Variants in CPNE4 observed in about 807,000 individuals in gnomAD.
The protein encoded by CPNE4 is copine-4.
CPNE4 carries 25 observed loss-of-function variants against 67.9 expected under a neutral mutation model. The observed-to-expected ratio is 0.37, with a 90% confidence interval of 0.27 to 0.51. The LOEUF (loss-of-function observed/expected upper bound fraction) is 0.51. Ranked by LOEUF, CPNE4 falls within the 20% of genes least tolerant of loss-of-function variation. The pLI, the probability that CPNE4 is intolerant of heterozygous loss-of-function variation, is 0.93. For missense variants in CPNE4, 464 were observed against 690.8 expected (o/e 0.67, Z 3.68); for synonymous variants, 242 against 244.9 (o/e 0.99, Z 0.11).
chr3:131,876,634 T>C, intron 2 of CPNE4, among the ~76,000 whole-genome samples: 1 of 43,910 alleles, frequency 2.3e-5, no homozygotes, highest in Non-Finnish European at 4.0e-5. Context: ...AGAGCAAGAC[T>C]CCGTCTCAAA....
chr3:131,632,228 T>A (rs1367512885), intron 7 of CPNE4, among the ~76,000 whole-genome samples: 1 of 152,024 alleles, frequency 6.6e-6, no homozygotes, highest in Admixed American at 6.5e-5. Flanking sequence ...CAGGCTGGTC[T>A]CGAACTCGTG....
intron 2 of CPNE4, among the ~76,000 whole-genome samples, chr3:131,889,034 A>T (rs1321734283): frequency 6.6e-6 from 1 of 152,210 alleles, no homozygotes; most frequent in African/African-American, 2.4e-5. Flanking sequence ...CACTACTCAC[A>T]TTAGTTTTAC....
chr3:131,760,875 A>C (rs1159506875), intron 2 of CPNE4, among the ~76,000 whole-genome samples: 1 of 152,166 alleles, frequency 6.6e-6, no homozygotes, highest in Non-Finnish European at 1.5e-5. Context: ...AATTGGGTCA[A>C]AGGGATGGCA....
intron 2 of CPNE4, among the ~76,000 whole-genome samples, chr3:131,782,829 G>A (rs34767460): frequency 0.037 from 5,703 of 152,176 alleles, 156 homozygotes; most frequent in Non-Finnish European, 0.058. Context: ...AGTCCTCATA[G>A]ATTTTATGAG....
intron 7 of CPNE4, among the ~76,000 whole-genome samples, chr3:131,628,531 CT>C (rs2079136126): frequency 6.6e-6 from 1 of 152,262 alleles, no homozygotes; most frequent in Non-Finnish European, 1.5e-5. Flanking sequence ...TGGTCCTGGA[CT>C]TTTTTTGGTT....
intron 7 of CPNE4, among the ~76,000 whole-genome samples, chr3:131,588,854 C>G (rs767902816): frequency 1.3e-5 from 2 of 152,184 alleles, no homozygotes; most frequent in African/African-American, 2.4e-5. Flanking sequence ...TCCTACTGCT[C>G]CTTCTCATCT....
chr3:131,732,360 A>G (rs537970167), intron 2 of CPNE4, among the ~76,000 whole-genome samples: 37 of 152,340 alleles, frequency 2.4e-4, no homozygotes, highest in Non-Finnish European at 4.6e-4. Context: ...TGAATATGGT[A>G]TCCATTCTCC....
intron 5 of CPNE4, among the ~76,000 whole-genome samples, chr3:131,689,457 C>T (rs2080976296): frequency 6.6e-6 from 1 of 152,054 alleles, no homozygotes; most frequent in African/African-American, 2.4e-5. Flanking sequence ...ACCATATGAT[C>T]ATCTCAATAG....
chr3:131,775,524 A>T (rs2083271028), intron 2 of CPNE4, among the ~76,000 whole-genome samples: 1 of 152,074 alleles, frequency 6.6e-6, no homozygotes, highest in Non-Finnish European at 1.5e-5. Flanking sequence ...AGTGGGAGGT[A>T]ATTGAATCAT....
intron 1 of CPNE4, among the ~76,000 whole-genome samples, chr3:131,986,763 G>A (rs776729938): frequency 6.0e-5 from 9 of 150,842 alleles, no homozygotes; most frequent in South Asian, 2.1e-4. Flanking sequence ...GCCGGGAGGC[G>A]GAGGTTGCAG....
chr3:131,740,757 A>G (rs2082337299), intron 2 of CPNE4, among the ~76,000 whole-genome samples: 1 of 152,112 alleles, frequency 6.6e-6, no homozygotes, highest in Admixed American at 6.6e-5. Context: ...TCTGCTTAAA[A>G]CCTTCCGACA....
At chr3:131,862,317 T>C (rs1306052615) in intron 2 of CPNE4, among the ~76,000 whole-genome samples, 2 of 152,184 alleles carry the variant, frequency 1.3e-5, no homozygotes, top group Non-Finnish European at 2.9e-5. Context: ...TTCCTCGCCA[T>C]GCATATAAGC....
intron 15 of CPNE4, among the ~76,000 whole-genome samples, chr3:131,536,653 A>C (rs941939431): frequency 6.6e-6 from 1 of 152,252 alleles, no homozygotes; most frequent in Non-Finnish European, 1.5e-5. Context: ...AATAAGAGAC[A>C]TGTATCTTTT....
At position 131,709,083 on chromosome 3, in the gene CPNE4, C is replaced by T. The variant is rs375790022; in HGVS notation, c.361-9103G>A. 2.2e-3 allele frequency among the ~76,000 whole-genome samples: 328 copies of T among 149,480 alleles called. 4 individuals are homozygous for T. Among genetic ancestry groups the T allele is most frequent in the South Asian group, 0.02 (95 of 4,688 alleles). ...CCTTAATGTCCACGGTAAGTGGACA[C>T]ATTACATGAATTCTGATATCAGGAT... On this transcript the variant is annotated intron_variant, in intron 3 of 15. Transcript: ENST00000429747.
chr3:132,031,669 T>C (rs1379863401), intron 1 of CPNE4, among the ~76,000 whole-genome samples: 8 of 152,218 alleles, frequency 5.3e-5, no homozygotes, highest in Non-Finnish European at 1.0e-4. Flanking sequence ...GGTAACATAA[T>C]GTTCTAGGGT....
At chr3:131,633,265 T>C (rs916851798) in intron 7 of CPNE4, among the ~76,000 whole-genome samples, 1 of 152,184 alleles carries the variant, frequency 6.6e-6, no homozygotes, top group African/African-American at 2.4e-5. Flanking sequence ...TAGCTTTCTA[T>C]CTGGTCTCTT....
intron 1 of CPNE4, among the ~76,000 whole-genome samples, chr3:131,950,933 C>A (rs557879880): frequency 6.6e-6 from 1 of 152,290 alleles, no homozygotes; most frequent in Non-Finnish European, 1.5e-5. Flanking sequence ...AGAGACTGAG[C>A]ATCTCATAGA....
intron 2 of CPNE4, among the ~76,000 whole-genome samples, chr3:131,792,696 C>CACGTGTGTATATGTAT (rs1560322840): frequency 2.2e-5 from 1 of 44,536 alleles, no homozygotes; most frequent in African/African-American, 8.4e-5. Flanking sequence ...TGTATATATA[C>CACGTGTGTATATGTAT]ATATACACAC....
At chr3:132,023,578 C>G (rs1325629499) in intron 1 of CPNE4, among the ~76,000 whole-genome samples, 2 of 147,932 alleles carry the variant, frequency 1.4e-5, no homozygotes, top group Non-Finnish European at 3.0e-5. Flanking sequence ...AGCTCCGCCT[C>G]CCGGGTTCAC....
Sources: gnomAD v4.1 joint callset for allele counts (sites outside exome capture counted in the v4.1 genomes callset) on GRCh38, gnomAD v4.1.1 for gene constraint, MANE v1.5 for transcripts, NCBI Gene and HGNC (gene_info 2026-07-23, HGNC 2026-07-21) for gene names.